MED14: variants seen among roughly 807,000 people sequenced by gnomAD.
MED14 encodes the protein mediator complex subunit 14.
A neutral mutation model predicts 109.0 loss-of-function variants in MED14; 8 were observed. That is an observed-to-expected ratio of 0.07 (90% CI 0.04 to 0.13). MED14 has a LOEUF of 0.13. Ranked by LOEUF, MED14 falls within the 10% of genes least tolerant of loss-of-function variation. MED14 has a pLI of 1.00. For missense variants in MED14, 711 were observed against 1,142.4 expected, an observed-to-expected ratio of 0.62 and a Z score of 5.44; for synonymous variants, 399 against 408.7, an observed-to-expected ratio of 0.98 and a Z score of 0.29.
Position 40,654,386 on chromosome X carries a change from T to C in MED14, c.4269A>G (p.Ala1423=), listed in dbSNP as rs1455642339. 5 of 1,210,103 alleles carry C rather than the reference T, an allele frequency of 4.1e-6. No individual in the cohort carries two copies. The highest frequency in any genetic ancestry group is 5.6e-6 in the Non-Finnish European group (5 of 895,207). The change falls in exon 30 of 31, where the codon GCA becomes GCG. Residue 1423 remains alanine, a synonymous_variant. Transcript: ENST00000324817. ...MMVSNILKRF[A]EMNPPRQGEC... ...TACCTTGTCGTGGTGGATTCATCTC[T>C]GCAAACCTCTTCAGAATGTTGCTGA...
chrX:40,699,902 T>C (rs1930859291), intron 12 of MED14, among the ~76,000 whole-genome samples: 1 of 111,464 alleles, frequency 9.0e-6, no homozygotes, highest in South Asian at 3.7e-4. Flanking sequence ...TCCCAGTACT[T>C]TGGGAGGCCA....
Position 40,666,753 on chromosome X carries a change from T to A in MED14, c.3232A>T (p.Ile1078Leu), listed in dbSNP as rs755442697. ...TPPPSSHGIS[I>L]GPGASFASPH... Reference sequence around the variant, plus strand: ...CTAGCAAAACTGGCCCCTGGTCCTATTGAGATTCCATGCGAGGATGGGGGA... The same window carrying A: ...CTAGCAAAACTGGCCCCTGGTCCTAATGAGATTCCATGCGAGGATGGGGGA... The change falls in exon 24 of 31, where the codon ATA becomes TTA. Residue 1078 changes from isoleucine (I) to leucine (L), a missense_variant. Ile to Leu is a conservative substitution (Grantham distance 5). Coordinates refer to ENST00000324817, the MANE Select transcript of MED14 (RefSeq NM_004229.4). 4 of 1,207,959 alleles carry A rather than the reference T, an allele frequency of 3.3e-6. No individual in the cohort carries two copies. Among genetic ancestry groups the A allele is most frequent in the Non-Finnish European group, 4.5e-6 (4 of 893,321 alleles).
chrX:40,709,849 A>C (rs2146707495), intron 9 of MED14, 130 bp downstream of exon 9: 2 of 400,641 alleles, frequency 5.0e-6, no homozygotes, highest in East Asian at 9.2e-5. Context: ...TGTAACATTT[A>C]CTTAAAATAA....
chrX:40,707,248 T>C (rs1486047975), intron 10 of MED14, among the ~76,000 whole-genome samples: 3 of 111,589 alleles, frequency 2.7e-5, no homozygotes, highest in East Asian at 2.8e-4. Context: ...CAGGAGAAAA[T>C]AGTCTTCAAC....
At chrX:40,703,007 G>GA (rs949397720) in intron 11 of MED14, among the ~76,000 whole-genome samples, 4 of 109,884 alleles carry the variant, frequency 3.6e-5, no homozygotes, top group Admixed American at 9.6e-5. Context: ...GTTTAGGCCA[G>GA]AAAAAAAAAT....
At chrX:40,712,331 T>C (rs1412890508) in intron 6 of MED14, 38 bp from the exon 7 acceptor site, 2 of 1,012,973 alleles carry the variant, frequency 2.0e-6, no homozygotes, top group Non-Finnish European at 2.8e-6. Flanking sequence ...GTTAATTAAA[T>C]AGGTGTACAA....
chrX:40,696,373 C>T (rs1461679679), intron 13 of MED14, among the ~76,000 whole-genome samples: 2 of 110,171 alleles, frequency 1.8e-5, no homozygotes, highest in Admixed American at 1.9e-4. Flanking sequence ...ATCTCCTGAC[C>T]TCGTGATCCA....
Position 40,650,752 on chromosome X carries a change from C to A in MED14, c.*1054G>T. The A allele has an allele frequency of 1.3e-6, 1 of 753,542 alleles. No individual in the cohort carries two copies. Among genetic ancestry groups the A allele is most frequent in the Non-Finnish European group, 1.6e-6 (1 of 638,763 alleles). 62.1% of individuals were successfully genotyped at this position (753,542 alleles called of 1,213,427 possible). A position where few individuals can be genotyped will look rare whatever the true frequency, so the allele number is the denominator to read the frequency against. ...GCAAAACATTCTATCGTTTTGTTGA[C>A]AATGAATTAAATTGAAATTGTTTAG... On this transcript the variant is annotated 3_prime_UTR_variant, in exon 31 of 31. Coordinates refer to ENST00000324817, the MANE Select transcript of MED14 (RefSeq NM_004229.4).
At position 40,653,156 on chromosome X, in the gene MED14, A is replaced by G. The variant is rs369921429; in HGVS notation, c.4291+1208T>C. ...CACAAGACATAATACATAAAAACAC[A>G]TAAGATAATGACAGCCATCTGCTTG... On this transcript the variant is annotated intron_variant, in intron 30 of 30. Coordinates refer to ENST00000324817, the MANE Select transcript of MED14 (RefSeq NM_004229.4). 5.3e-5 allele frequency among the ~76,000 whole-genome samples: 6 copies of G among 112,211 alleles called. No individual in the cohort carries two copies. The East Asian group carries it at 1.4e-3, about 26-fold the overall frequency.
At chrX:40,702,147 G>A (rs1475150170) in intron 11 of MED14, among the ~76,000 whole-genome samples, 2 of 111,643 alleles carry the variant, frequency 1.8e-5, no homozygotes, top group Non-Finnish European at 3.8e-5. Flanking sequence ...CTGGCCTCCA[G>A]AACTATGACA....
intron 21 of MED14, among the ~76,000 whole-genome samples, chrX:40,679,245 G>A (rs977841480): frequency 1.8e-5 from 2 of 111,752 alleles, no homozygotes; most frequent in Non-Finnish European, 3.8e-5. Flanking sequence ...ATTACATCAC[G>A]CCTGTAATCC....
intron 2 of MED14, among the ~76,000 whole-genome samples, chrX:40,728,122 C>T (rs898883823): frequency 1.8e-5 from 2 of 111,958 alleles, no homozygotes; most frequent in African/African-American, 6.5e-5. Flanking sequence ...TTCACTCTAA[C>T]TCAGCAATGG....
chrX:40,673,137 A>T (rs1464668095), intron 22 of MED14, among the ~76,000 whole-genome samples: 1 of 112,316 alleles, frequency 8.9e-6, no homozygotes, highest in East Asian at 2.8e-4. Flanking sequence ...TATCTGATAA[A>T]CAGAAAAAAA....
In MED14 at chrX:40,654,924, G is replaced by A. The variant is rs373260690; in HGVS notation, c.4098+11C>T. ...AGCTCTGTACATGCACACATGCTGG[G>A]TGGTACTTACAAAAAATAGCATTTT... On this transcript the variant is annotated intron_variant, in intron 29 of 30. Transcript: ENST00000324817. 5.8e-6 allele frequency: 7 copies of A among 1,203,235 alleles called. No homozygotes were observed. Among genetic ancestry groups the A allele is most frequent in the African/African-American group, 5.3e-5 (3 of 56,961 alleles).
At chrX:40,706,216 CAAGT>C (rs1433959832) in intron 10 of MED14, among the ~76,000 whole-genome samples, 1 of 111,783 alleles carries the variant, frequency 8.9e-6, no homozygotes, top group Non-Finnish European at 1.9e-5. Flanking sequence ...AAAAAAGGAT[CAAGT>C]AAGACTACAT....
intron 20 of MED14, 80 bp downstream of exon 20, chrX:40,680,678 A>G (rs1930077906): frequency 2.2e-6 from 2 of 903,945 alleles, no homozygotes; most frequent in African/African-American, 4.0e-5. Flanking sequence ...TCGGCCTCCC[A>G]AAGGGTTGGG....
At position 40,675,359 on chromosome X, in the gene MED14, C is replaced by T. The variant is rs1929878986; in HGVS notation, c.2883G>A (p.Thr961=). 6.0e-6 allele frequency: 7 copies of T among 1,174,360 alleles called. No individual in the cohort carries two copies. In the East Asian group the frequency reaches 9.3e-5, roughly 16 times the overall value. The stretch of plus-strand genomic sequence containing the variant: ...TGCTGTCAACAAACATATTCAGGAA[C>T]GTCTACGGATATAAACAGGTAAAAT... The part of the protein sequence containing the change: ...EGFYPAPGLK[T]FLNMFVDSNQ... The change falls in exon 22 of 31, where the codon ACG becomes ACA. Residue 961 remains threonine (T), a splice_region_variant and synonymous_variant. Coordinates refer to ENST00000324817, the MANE Select transcript of MED14 (RefSeq NM_004229.4).
At chrX:40,661,754 T>C (rs1929280914) in intron 26 of MED14, among the ~76,000 whole-genome samples, 1 of 112,002 alleles carries the variant, frequency 8.9e-6, no homozygotes, top group Non-Finnish European at 1.9e-5. Context: ...GTGCTCTCAA[T>C]TATAAATTAT....
intron 15 of MED14, 29 bp downstream of exon 15, chrX:40,692,154 G>T (rs1266271860): frequency 2.5e-6 from 3 of 1,183,636 alleles, no homozygotes; most frequent in Non-Finnish European, 3.4e-6. Flanking sequence ...TTTCATTTGG[G>T]GTATCCAGAA....
Sources: allele counts gnomAD v4.1 joint callset (sites outside exome capture counted in the v4.1 genomes callset), GRCh38; gene constraint gnomAD v4.1.1; transcripts MANE v1.5; gene names NCBI Gene and HGNC (gene_info 2026-07-23, HGNC 2026-07-21).